ERMP1: variants seen among roughly 807,000 people sequenced by gnomAD.
ERMP1 encodes endoplasmic reticulum metallopeptidase 1.
Under a neutral mutation model 92.0 loss-of-function variants are expected in ERMP1, and 86 were observed. The observed-to-expected ratio is 0.93, with a 90% confidence interval of 0.79 to 1.12. The LOEUF (loss-of-function observed/expected upper bound fraction) is 1.12. Ranked by LOEUF, ERMP1 falls within the 50% of genes most tolerant of loss-of-function variation. The pLI is 0.00. For synonymous variants in ERMP1, 530 were observed against 412.8 expected, an observed-to-expected ratio of 1.28 and a Z score of -3.44; for missense variants, 1,342 against 1,116.3, an observed-to-expected ratio of 1.20 and a Z score of -2.88.
chr9:5,797,708 C>T (rs1438846692), intron 13 of ERMP1, 109 bp downstream of exon 13: 6 of 699,150 alleles, frequency 8.6e-6, no homozygotes, highest in Non-Finnish European at 1.5e-5. Context: ...ATCACAGGCT[C>T]TTCCTAAGTT....
chr9:5,835,350 A>ACGCGTG (rs1830079150), upstream of ERMP1, among the ~76,000 whole-genome samples: 1 of 150,354 alleles, frequency 6.7e-6, no homozygotes, highest in African/African-American at 2.4e-5. Flanking sequence ...GAGACAATGA[A>ACGCGTG]CGCGCGCGCG....
intron 6 of ERMP1, among the ~76,000 whole-genome samples, chr9:5,844,724 C>A (rs1217197791): frequency 6.6e-6 from 1 of 152,212 alleles, no homozygotes; most frequent in Non-Finnish European, 1.5e-5. Flanking sequence ...CCCTCCTCAT[C>A]CCCTTTTTGT....
chr9:5,843,863 C>G lies in ERMP1; in HGVS notation n.3200-10551G>C, dbSNP rs371465172. 7.9e-5 allele frequency among the ~76,000 whole-genome samples: 12 copies of G among 152,224 alleles called. No homozygotes were observed. The East Asian group carries it at 2.1e-3, about 27-fold the overall frequency. On this transcript the variant is annotated intron_variant and non_coding_transcript_variant, in intron 6 of 6. Coordinates refer to the ERMP1 transcript ENST00000690753. ...GTTACAGCCCTCCTGGATTTTAGAC[C>G]AAGCCTGGGGATATGCAGCTGTATT...
chr9:5,830,292 ACACCCCTGCT>A (rs1226881840), intron 2 of ERMP1, among the ~76,000 whole-genome samples: 1 of 152,106 alleles, frequency 6.6e-6, no homozygotes, highest in East Asian at 1.9e-4. Context: ...AAAAGATTGG[ACACCCCTGCT>A]CTAAAACCAT....
intron 6 of ERMP1, among the ~76,000 whole-genome samples, chr9:5,843,616 A>G (rs576346454): frequency 4.6e-5 from 7 of 152,314 alleles, no homozygotes; most frequent in African/African-American, 1.7e-4. Context: ...CTTAGTTGAG[A>G]GGTCAGTCTT....
intron 8 of ERMP1, among the ~76,000 whole-genome samples, chr9:5,805,997 A>T (rs1010589469): frequency 1.1e-4 from 17 of 152,224 alleles, no homozygotes; most frequent in Admixed American, 2.6e-4. Context: ...GGGCATTTTA[A>T]CAATATAGAG....
At chr9:5,866,866 C>G (rs1037097032) in intron 5 of ERMP1, among the ~76,000 whole-genome samples, 3 of 152,132 alleles carry the variant, frequency 2.0e-5, no homozygotes, top group South Asian at 2.1e-4. Flanking sequence ...CACAAGCTCC[C>G]TGAGCCTCAT....
Position 5,812,153 on chromosome 9 carries a change from T to G in ERMP1, c.1086A>C (p.Arg362Ser). ...CTCTCTGAATGGAATCTGTTAGAAT[T>G]CTGTCCGCTGTGTCATACTTGGTGT... is the stretch of plus-strand genomic sequence containing the variant. ...IYHTKYDTADRILTDSIQRAG... is the reference protein window; with the variant it reads ...IYHTKYDTADSILTDSIQRAG... Residue 362 changes from arginine to serine, a missense_variant, in exon 6 of 15, where the codon AGA becomes AGC. Transcript: ENST00000339450. 1 of 1,610,750 alleles carries G rather than the reference T, an allele frequency of 6.2e-7. No individual in the cohort carries two copies. The highest frequency in any genetic ancestry group is 1.7e-4 in the Middle Eastern group (1 of 6,054).
chr9:5,806,591 G>A (rs1023225037), intron 8 of ERMP1, among the ~76,000 whole-genome samples: 18 of 151,658 alleles, frequency 1.2e-4, no homozygotes, highest in Admixed American at 1.1e-3. Flanking sequence ...ACTACACCCA[G>A]CAAAGTTTAA....
At chr9:5,815,712 G>A (rs1390903994) in intron 4 of ERMP1, among the ~76,000 whole-genome samples, 1 of 151,894 alleles carries the variant, frequency 6.6e-6, no homozygotes, top group Non-Finnish European at 1.5e-5. Flanking sequence ...ATCACTAAGG[G>A]GAAATCAGTA....
upstream of ERMP1, among the ~76,000 whole-genome samples, chr9:5,835,058 T>C (rs1422524646): frequency 1.3e-5 from 2 of 151,264 alleles, no homozygotes; most frequent in Non-Finnish European, 2.9e-5. Flanking sequence ...CATTAAAAAC[T>C]ATTTTTCAGA....
intron 4 of ERMP1, among the ~76,000 whole-genome samples, chr9:5,820,462 T>C (rs1020386892): frequency 3.3e-5 from 5 of 152,200 alleles, no homozygotes; most frequent in Non-Finnish European, 7.3e-5. Flanking sequence ...ATGGTAGAAT[T>C]ACAGGGGCAT....
At chr9:5,791,948 AGAAGTGGGAGGAT>A (rs1828215148) in intron 13 of ERMP1, among the ~76,000 whole-genome samples, 1 of 152,206 alleles carries the variant, frequency 6.6e-6, no homozygotes, top group South Asian at 2.1e-4. Context: ...AAAGGGAGGA[AGAAGTGGGAGGAT>A]GGCAGTTGCT....
chr9:5,801,728 C>T (rs1332499230), intron 10 of ERMP1, among the ~76,000 whole-genome samples: 2 of 152,212 alleles, frequency 1.3e-5, no homozygotes, highest in East Asian at 3.8e-4. Flanking sequence ...ACTCAAATTC[C>T]ACTCATAATG....
chr9:5,794,297 G>C (rs1291200739), intron 13 of ERMP1, among the ~76,000 whole-genome samples: 1 of 152,028 alleles, frequency 6.6e-6, no homozygotes. Context: ...GCAGTGCTTA[G>C]AAGGAAACTT....
chr9:5,825,236 C>A lies in ERMP1; in HGVS notation c.641-17G>T, dbSNP rs1829689351. On this transcript the variant is annotated splice_polypyrimidine_tract_variant and intron_variant, in intron 2 of 14. Coordinates refer to ENST00000339450, the MANE Select transcript of ERMP1 (RefSeq NM_024896.3). ...CACTGGCACCTTCAAATCAGAAAAA[C>A]AAATTTGCTGCTCAGATTTTAAAAT... The A allele has an allele frequency of 1.2e-6, 2 of 1,603,696 alleles. No individual in the cohort carries two copies. Among genetic ancestry groups the A allele is most frequent in the African/African-American group, 1.3e-5 (1 of 74,138 alleles).
chr9:5,804,748 A>G (rs760181980), intron 10 of ERMP1, among the ~76,000 whole-genome samples: 21 of 152,080 alleles, frequency 1.4e-4, no homozygotes, highest in Admixed American at 3.9e-4. Flanking sequence ...ACGCTCTACA[A>G]ATTCACACTC....
At chr9:5,857,325 AT>A (rs1440347578) in intron 6 of ERMP1, among the ~76,000 whole-genome samples, 1 of 152,126 alleles carries the variant, frequency 6.6e-6, no homozygotes, top group East Asian at 1.9e-4. Flanking sequence ...CATGGCCGAA[AT>A]TTTTTTCAAT....
At chr9:5,797,485 T>C (rs986031831) in intron 13 of ERMP1, among the ~76,000 whole-genome samples, 1 of 151,896 alleles carries the variant, frequency 6.6e-6, no homozygotes, top group Non-Finnish European at 1.5e-5. Context: ...CTGTCTCTAC[T>C]AAAAATACAA....
Sources: allele counts gnomAD v4.1 joint callset (sites outside exome capture counted in the v4.1 genomes callset), GRCh38; gene constraint gnomAD v4.1.1; transcripts MANE v1.5; gene names NCBI Gene and HGNC (gene_info 2026-07-23, HGNC 2026-07-21).